The following NKAIN2 variants were observed in gnomAD, a reference collection of about 807,000 sequenced individuals.
NKAIN2 encodes the protein sodium/potassium transporting ATPase interacting 2.
NKAIN2 carries 14 observed loss-of-function variants against 32.6 expected under a neutral mutation model. The observed-to-expected ratio is 0.43, with a 90% CI of 0.28 to 0.67. NKAIN2 has a LOEUF of 0.67. Among genes scored for constraint, NKAIN2 ranks in the 30% least tolerant of loss-of-function variants. The pLI, the probability that NKAIN2 is intolerant of heterozygous loss-of-function variation, is 0.17. For missense variants in NKAIN2, 198 were observed against 258.3 expected (o/e 0.77, Z 1.60); for synonymous variants, 80 against 87.2 (o/e 0.92, Z 0.46).
intron 3 of NKAIN2, among the ~76,000 whole-genome samples, chr6:124,441,552 AG>A (rs1347662836): frequency 1.3e-5 from 2 of 152,058 alleles, no homozygotes; most frequent in Non-Finnish European, 2.9e-5. Flanking sequence ...TGCTCTGAAA[AG>A]GTCCACATGG....
At chr6:124,309,194 A>G (rs1190855898) in intron 2 of NKAIN2, among the ~76,000 whole-genome samples, 1 of 152,144 alleles carries the variant, frequency 6.6e-6, no homozygotes, top group Non-Finnish European at 1.5e-5. Context: ...TCAAATCCAA[A>G]CCACTAATTT....
At chr6:123,943,216 AGT>A (rs1776903333) in intron 1 of NKAIN2, among the ~76,000 whole-genome samples, 1 of 152,040 alleles carries the variant, frequency 6.6e-6, no homozygotes, top group African/African-American at 2.4e-5. Flanking sequence ...ATAATTGGTA[AGT>A]GTGTACAATA....
At chr6:124,128,955 G>A (rs752646909) in intron 1 of NKAIN2, among the ~76,000 whole-genome samples, 68 of 152,136 alleles carry the variant, frequency 4.5e-4, no homozygotes, top group Admixed American at 2.7e-3. Flanking sequence ...GGAATACAGC[G>A]TGGTTGTTTC....
At chr6:124,057,062 T>G (rs572730277) in intron 1 of NKAIN2, among the ~76,000 whole-genome samples, 1 of 152,238 alleles carries the variant, frequency 6.6e-6, no homozygotes, top group South Asian at 2.1e-4. Flanking sequence ...CCATCCATCA[T>G]GTTCTATGCA....
intron 5 of NKAIN2, among the ~76,000 whole-genome samples, chr6:124,798,143 C>T (rs1780096673): frequency 6.6e-6 from 1 of 151,570 alleles, no homozygotes. Flanking sequence ...TTGTTAGGGC[C>T]ATATCATACA....
chr6:124,490,103 T>C (rs372508259), intron 3 of NKAIN2, among the ~76,000 whole-genome samples: 1 of 151,842 alleles, frequency 6.6e-6, no homozygotes, highest in East Asian at 1.9e-4. Flanking sequence ...TACATTTGCT[T>C]TGTTAGTTGA....
At chr6:124,511,926 A>G (rs760130161) in intron 3 of NKAIN2, among the ~76,000 whole-genome samples, 73 of 152,286 alleles carry the variant, frequency 4.8e-4, no homozygotes, top group Middle Eastern at 3.4e-3. Flanking sequence ...AAAAGGCCTC[A>G]CCACTTTTGA....
chr6:124,118,281 A>T (rs1785712658), intron 1 of NKAIN2, among the ~76,000 whole-genome samples: 5 of 152,184 alleles, frequency 3.3e-5, no homozygotes, highest in Admixed American at 2.0e-4. Context: ...ACATAAAATG[A>T]ATTAAAAAAT....
At chr6:124,342,019 G>T (rs922227895) in intron 2 of NKAIN2, among the ~76,000 whole-genome samples, 2 of 152,144 alleles carry the variant, frequency 1.3e-5, no homozygotes, top group African/African-American at 4.8e-5. Context: ...AAACTAAGCT[G>T]AAAATATAAT....
chr6:124,045,601 C>G (rs1300614574), intron 1 of NKAIN2, among the ~76,000 whole-genome samples: 3 of 151,912 alleles, frequency 2.0e-5, no homozygotes, highest in African/African-American at 7.3e-5. Flanking sequence ...TAATGCTCAT[C>G]AAATAGCAAA....
At chr6:124,778,676 G>A (rs924344544) in intron 4 of NKAIN2, among the ~76,000 whole-genome samples, 2 of 151,980 alleles carry the variant, frequency 1.3e-5, no homozygotes, top group Non-Finnish European at 2.9e-5. Context: ...TAAAATTTGA[G>A]TAGTAAGAGA....
At chr6:124,798,646 T>C (rs1663929113) in intron 5 of NKAIN2, among the ~76,000 whole-genome samples, 1 of 152,140 alleles carries the variant, frequency 6.6e-6, no homozygotes, top group Non-Finnish European at 1.5e-5. Flanking sequence ...TTTATTTAAT[T>C]TAATATCGAT....
intron 2 of NKAIN2, among the ~76,000 whole-genome samples, chr6:124,343,392 A>T (rs9482538): frequency 0.84 from 123,771 of 147,780 alleles, 52,016 homozygotes; most frequent in African/African-American, 0.88. Context: ...TCTAGATCCC[A>T]GAGGAATCGC....
intron 3 of NKAIN2, among the ~76,000 whole-genome samples, chr6:124,620,762 G>A (rs1296377918): frequency 1.3e-5 from 2 of 152,126 alleles, no homozygotes; most frequent in Non-Finnish European, 2.9e-5. Flanking sequence ...AAGCTCAAAA[G>A]CTTGGAGGGG....
chr6:124,029,653 A>G (rs1781315836), intron 1 of NKAIN2, among the ~76,000 whole-genome samples: 1 of 152,148 alleles, frequency 6.6e-6, no homozygotes, highest in Admixed American at 6.6e-5. Context: ...TAACATGCAG[A>G]CCAGCAGGGA....
intron 5 of NKAIN2, among the ~76,000 whole-genome samples, chr6:124,811,896 G>T (rs1368123904): frequency 6.6e-6 from 1 of 152,044 alleles, no homozygotes; most frequent in Non-Finnish European, 1.5e-5. Flanking sequence ...ATCCTGAGTT[G>T]TCTTCAGAGA....
At chr6:124,732,208 T>C (rs924574217) in intron 4 of NKAIN2, among the ~76,000 whole-genome samples, 11 of 152,014 alleles carry the variant, frequency 7.2e-5, no homozygotes, top group African/African-American at 2.7e-4. Context: ...TCCTTTACCT[T>C]TTGAGTGGGA....
At chr6:124,209,345 C>A (rs1263170294) in intron 1 of NKAIN2, among the ~76,000 whole-genome samples, 1 of 151,736 alleles carries the variant, frequency 6.6e-6, no homozygotes, top group Admixed American at 6.6e-5. Flanking sequence ...TATATACTTA[C>A]CACATTTTTT....
At chr6:124,345,254 T>G (rs1798347854) in intron 2 of NKAIN2, among the ~76,000 whole-genome samples, 1 of 152,202 alleles carries the variant, frequency 6.6e-6, no homozygotes, top group Non-Finnish European at 1.5e-5. Context: ...ATTGATGATT[T>G]TTGCATCAAT....
Sources: gnomAD v4.1 joint callset for allele counts (sites outside exome capture counted in the v4.1 genomes callset) on GRCh38, gnomAD v4.1.1 for gene constraint, MANE v1.5 for transcripts, NCBI Gene and HGNC (gene_info 2026-07-23, HGNC 2026-07-21) for gene names.